The following CDKL5 variants were observed in gnomAD, a reference collection of about 807,000 sequenced individuals.
CDKL5 encodes cyclin-dependent kinase-like 5.
CDKL5 carries 8 observed loss-of-function variants against 61.7 expected under a neutral mutation model. That is an observed-to-expected ratio of 0.13 (90% CI 0.08 to 0.23). The LOEUF is 0.23. Ranked by LOEUF, CDKL5 falls within the 10% of genes least tolerant of loss-of-function variation. CDKL5 has a pLI of 1.00. For synonymous variants in CDKL5, 275 were observed against 272.3 expected, an observed-to-expected ratio of 1.01 and a Z score of -0.10; for missense variants, 440 against 734.5, an observed-to-expected ratio of 0.60 and a Z score of 4.63.
intron 4 of CDKL5, among the ~76,000 whole-genome samples, chrX:18,569,851 G>A (rs953776814): frequency 1.3e-4 from 14 of 110,620 alleles, no homozygotes; most frequent in African/African-American, 3.3e-4. Flanking sequence ...CTGACTCCAG[G>A]GAGCTATACA....
intron 1 of CDKL5, among the ~76,000 whole-genome samples, chrX:18,484,853 G>T (rs1377714895): frequency 9.1e-6 from 1 of 110,030 alleles, no homozygotes; most frequent in Non-Finnish European, 1.9e-5. Flanking sequence ...CTGTCTTTCA[G>T]ACTCAAGCGA....
intron 20 of CDKL5, chrX:18,647,675 G>A: frequency 4.1e-6 from 1 of 246,496 alleles, no homozygotes; most frequent in South Asian, 7.0e-5. Flanking sequence ...GAGGTGCACA[G>A]TGAAATACCA....
chrX:18,566,827 C>A (rs750569218), intron 4 of CDKL5, among the ~76,000 whole-genome samples: 1 of 111,187 alleles, frequency 9.0e-6, no homozygotes, highest in East Asian at 2.8e-4. Flanking sequence ...TTTGATCTGC[C>A]CTTATTTTAT....
At chrX:18,566,229 G>A (rs1364673145) in intron 4 of CDKL5, among the ~76,000 whole-genome samples, 1 of 111,858 alleles carries the variant, frequency 8.9e-6, no homozygotes, top group Admixed American at 9.4e-5. Flanking sequence ...TTGGCTCACT[G>A]CAACCTCCAC....
At chrX:18,508,755 G>A (rs1287003601) in intron 2 of CDKL5, among the ~76,000 whole-genome samples, 1 of 108,797 alleles carries the variant, frequency 9.2e-6, no homozygotes, top group African/African-American at 3.4e-5. Context: ...TCTTTCTTTG[G>A]AAAGCACCTC....
intron 3 of CDKL5, chrX:18,535,626 C>T (rs948572034): frequency 2.3e-5 from 3 of 130,451 alleles, no homozygotes; most frequent in Non-Finnish European, 4.9e-5. Context: ...TTTACACTTG[C>T]AAACGAGATC....
chrX:18,621,248 A>C (rs1243174661), intron 16 of CDKL5, among the ~76,000 whole-genome samples: 1 of 111,925 alleles, frequency 8.9e-6, no homozygotes, highest in Non-Finnish European at 1.9e-5. Flanking sequence ...GATTAGGTAG[A>C]TGTTCATAGC....
chrX:18,611,060 C>G (rs1926533479), intron 14 of CDKL5, among the ~76,000 whole-genome samples: 1 of 111,930 alleles, frequency 8.9e-6, no homozygotes, highest in South Asian at 3.7e-4. Flanking sequence ...TCCTTCCCTT[C>G]CAGCCCCACC....
chrX:18,547,269 A>T (rs1924232348), intron 3 of CDKL5, among the ~76,000 whole-genome samples: 1 of 112,263 alleles, frequency 8.9e-6, no homozygotes, highest in Admixed American at 9.4e-5. Context: ...GTGTGACATG[A>T]GCAAGGGAGC....
intron 1 of CDKL5, among the ~76,000 whole-genome samples, chrX:18,454,778 A>T (rs141676592): frequency 0.011 from 1,168 of 109,313 alleles, 18 homozygotes; most frequent in African/African-American, 0.037. Flanking sequence ...CTGGTCTTCT[A>T]CTCCTGACCT....
intron 3 of CDKL5, among the ~76,000 whole-genome samples, chrX:18,523,681 C>T (rs771223719): frequency 8.0e-5 from 9 of 111,907 alleles, no homozygotes; most frequent in African/African-American, 2.6e-4. Flanking sequence ...ATAGTCTTCT[C>T]ATCTGCCATG....
At chrX:18,533,499 A>G (rs929683508) in intron 3 of CDKL5, among the ~76,000 whole-genome samples, 3 of 111,728 alleles carry the variant, frequency 2.7e-5, no homozygotes, top group African/African-American at 9.8e-5. Flanking sequence ...AAGAATGAAC[A>G]CAATGTATAG....
At chrX:18,522,216 G>C (rs1242017821) in intron 3 of CDKL5, among the ~76,000 whole-genome samples, 2 of 108,034 alleles carry the variant, frequency 1.9e-5, no homozygotes, top group African/African-American at 6.8e-5. Flanking sequence ...GCAATGTTTT[G>C]TAGTTTTCAG....
At chrX:18,446,969 C>T (rs991116000) in intron 1 of CDKL5, among the ~76,000 whole-genome samples, 3 of 111,971 alleles carry the variant, frequency 2.7e-5, no homozygotes, top group South Asian at 3.7e-4. Flanking sequence ...CCTTAGGCTT[C>T]ACTGCTGCTT....
chrX:18,492,091 T>C (rs1425214985), intron 1 of CDKL5, among the ~76,000 whole-genome samples: 2 of 111,647 alleles, frequency 1.8e-5, no homozygotes, highest in Admixed American at 1.9e-4. Context: ...TCCAATTTGA[T>C]ATATATTCCC....
Position 18,609,531 on chromosome X carries a change from A to G in CDKL5, c.2113A>G (p.Asn705Asp). Residue 705 changes from asparagine to aspartate, a missense_variant, in exon 14 of 18, where the codon AAT (asparagine) becomes GAT (aspartate). By Grantham distance (23) the Asn-to-Asp change is conservative. Around this residue, in one of 2 missense-constraint regions of CDKL5, gnomAD observed 363 missense variants for 516.3 expected, o/e 0.70. Transcript: ENST00000623535. ...TAPKENRHLY[N>D]DPVPRRVGSF... is the part of the protein sequence containing the mutation. ...CCCCAAAGAAAATAGACACCTATACAATGATCCTGTGCCAAGGAGAGTTGG... is the reference window on the plus strand; with the variant it reads ...CCCCAAAGAAAATAGACACCTATACGATGATCCTGTGCCAAGGAGAGTTGG... 8.3e-7 allele frequency: 1 copy of G among 1,211,724 alleles called. No homozygotes were observed. Among genetic ancestry groups the G allele is most frequent in the Non-Finnish European group, 1.1e-6 (1 of 895,527 alleles).
At chrX:18,562,055 C>G (rs1483303330) in intron 3 of CDKL5, among the ~76,000 whole-genome samples, 1 of 111,673 alleles carries the variant, frequency 9.0e-6, no homozygotes, top group East Asian at 2.8e-4. Context: ...AAGTTCTCAT[C>G]CATGAATCAA....
intron 4 of CDKL5, among the ~76,000 whole-genome samples, chrX:18,573,377 G>C (rs1401249567): frequency 8.9e-6 from 1 of 112,008 alleles, no homozygotes; most frequent in Non-Finnish European, 1.9e-5. Flanking sequence ...GCATGTTCTC[G>C]ATCTTGCTTC....
intron 1 of CDKL5, among the ~76,000 whole-genome samples, chrX:18,491,439 CAGAA>C (rs1921992336): frequency 9.0e-6 from 1 of 111,612 alleles, no homozygotes; most frequent in Non-Finnish European, 1.9e-5. Flanking sequence ...ACCTAGGTTT[CAGAA>C]AATCTCTCAT....
Sources: gnomAD v4.1 joint callset for allele counts (sites outside exome capture counted in the v4.1 genomes callset) on GRCh38, gnomAD v4.1.1 for gene constraint, gnomAD v4.1.1 regional missense constraint, MANE v1.5 for transcripts, NCBI Gene and HGNC (gene_info 2026-07-23, HGNC 2026-07-21) for gene names.